The following IMMP2L variants were observed in gnomAD, a reference collection of about 807,000 sequenced individuals.
IMMP2L encodes the protein mitochondrial inner membrane protease subunit 2.
IMMP2L carries 18 observed loss-of-function variants against 19.3 expected under a neutral mutation model. The ratio of observed to expected loss-of-function variants is 0.93; its 90% CI spans 0.64 to 1.38. IMMP2L has a LOEUF of 1.38. Among genes scored for constraint, IMMP2L ranks in the 40% most tolerant of loss-of-function variants. The pLI, the probability that IMMP2L is intolerant of heterozygous loss-of-function variation, is 0.00. For missense variants in IMMP2L, 233 were observed against 218.2 expected, an observed-to-expected ratio of 1.07 and a Z score of -0.43; for synonymous variants, 76 against 73.0, an observed-to-expected ratio of 1.04 and a Z score of -0.21.
chr7:110,869,200 T>C (rs1585084622), intron 5 of IMMP2L, among the ~76,000 whole-genome samples: 1 of 151,814 alleles, frequency 6.6e-6, no homozygotes, highest in East Asian at 1.9e-4. Context: ...ATAAAACACA[T>C]ATTTAATTAA....
At chr7:111,388,761 G>A (rs1330503275) in intron 3 of IMMP2L, among the ~76,000 whole-genome samples, 1 of 152,000 alleles carries the variant, frequency 6.6e-6, no homozygotes, top group Non-Finnish European at 1.5e-5. Context: ...AATAGCACAG[G>A]AAAGACCGGC....
chr7:111,085,817 C>A (rs1308778470), intron 3 of IMMP2L, among the ~76,000 whole-genome samples: 1 of 152,080 alleles, frequency 6.6e-6, no homozygotes, highest in African/African-American at 2.4e-5. Context: ...TAAAAAAGAA[C>A]AAGATCATGT....
intron 4 of IMMP2L, among the ~76,000 whole-genome samples, chr7:110,920,876 T>C (rs1490007829): frequency 6.6e-6 from 1 of 152,188 alleles, no homozygotes; most frequent in Non-Finnish European, 1.5e-5. Flanking sequence ...GTTAACATCT[T>C]ATATAACCAT....
intron 3 of IMMP2L, among the ~76,000 whole-genome samples, chr7:111,040,665 G>C (rs937776634): frequency 6.0e-5 from 9 of 149,306 alleles, no homozygotes; most frequent in Admixed American, 2.7e-4. Flanking sequence ...GACAGAATTA[G>C]AAAGGCAAAG....
At chr7:111,049,979 A>T (rs780219591) in intron 3 of IMMP2L, among the ~76,000 whole-genome samples, 1 of 152,316 alleles carries the variant, frequency 6.6e-6, no homozygotes. Context: ...AAAGAAATCT[A>T]AGAAACAGGC....
At chr7:110,839,216 C>G (rs1231445087) in intron 5 of IMMP2L, among the ~76,000 whole-genome samples, 5 of 152,058 alleles carry the variant, frequency 3.3e-5, no homozygotes, top group African/African-American at 1.2e-4. Flanking sequence ...AAAACTAATT[C>G]CATTCGCTAT....
At chr7:111,557,677 A>T (rs1291916894) in intron 1 of IMMP2L, among the ~76,000 whole-genome samples, 1 of 152,216 alleles carries the variant, frequency 6.6e-6, no homozygotes, top group Non-Finnish European at 1.5e-5. Context: ...CAAATAGCAT[A>T]CAGTATTTGA....
intron 3 of IMMP2L, among the ~76,000 whole-genome samples, chr7:111,203,619 G>T (rs1690116638): frequency 6.8e-6 from 1 of 146,148 alleles, no homozygotes; most frequent in South Asian, 2.2e-4. Context: ...GAAACCCAAG[G>T]AATTAGATTC....
At chr7:111,403,864 T>C (rs1833683625) in intron 3 of IMMP2L, among the ~76,000 whole-genome samples, 1 of 152,150 alleles carries the variant, frequency 6.6e-6, no homozygotes, top group African/African-American at 2.4e-5. Context: ...ATCAGTTAAA[T>C]ATAAAATAAT....
chr7:110,895,890 T>C (rs1160409366), intron 4 of IMMP2L, among the ~76,000 whole-genome samples: 1 of 152,180 alleles, frequency 6.6e-6, no homozygotes, highest in Non-Finnish European at 1.5e-5. Flanking sequence ...CTTGCTAAAC[T>C]CTCTTATTCT....
chr7:110,816,906 T>C (rs1047697955), intron 5 of IMMP2L, among the ~76,000 whole-genome samples: 16 of 152,296 alleles, frequency 1.1e-4, no homozygotes, highest in Non-Finnish European at 1.8e-4. Flanking sequence ...CTGATGGGTC[T>C]TGACTCTTTA....
rs970941337 is a variant in IMMP2L at position 111,562,398 on chromosome 7, C to G, written c.-550G>C. 6.6e-6 allele frequency: 1 copy of G among 150,392 alleles called. No homozygotes were observed. The highest frequency in any genetic ancestry group is 2.4e-5 in the African/African-American group (1 of 41,052). The allele number at this position is 150,392 out of a possible 1,614,324, so 9.3% of individuals were successfully genotyped here. ...CACCAAGGGTCGGCGGCTACGCGCC[C>G]GCCGACCCCTGCCAGCCTCACAGCC... On this transcript the variant is annotated 5_prime_UTR_variant, in exon 1 of 6. Transcript: ENST00000405709.
rs868812815 is a variant in IMMP2L at position 111,016,569 on chromosome 7, A to G, written c.240-53004T>C. On this transcript the variant is annotated intron_variant, in intron 3 of 5. Coordinates refer to ENST00000405709, the MANE Select transcript of IMMP2L (RefSeq NM_032549.4). ...ATATATAGTATATATAATATATAATACATACATATACATATATGTATATAT... is the reference window on the plus strand; with the variant it reads ...ATATATAGTATATATAATATATAATGCATACATATACATATATGTATATAT... 1.5e-4 allele frequency among the ~76,000 whole-genome samples: 18 copies of G among 117,582 alleles called. 1 individual carries two copies. The highest frequency in any genetic ancestry group is 5.9e-4 in the African/African-American group (17 of 28,908). 77.1% of individuals were successfully genotyped at this position (117,582 alleles called of 152,430 possible). A position where few individuals can be genotyped will look rare whatever the true frequency, so the allele number is the denominator to read the frequency against.
chr7:111,015,884 G>C lies in IMMP2L; in HGVS notation c.240-52319C>G, dbSNP rs78971192. Among the ~76,000 whole-genome samples, 1,166 of 152,096 alleles carry C rather than the reference G, an allele frequency of 7.7e-3. 15 individuals carry two copies. Among genetic ancestry groups the C allele is most frequent in the African/African-American group, 0.027 (1,126 of 41,506 alleles). ...TATATAGCCTCTCTCAAACACCAAA[G>C]ACTCTTAAGCAATTCCCCACTTCAA... On this transcript the variant is annotated intron_variant, in intron 3 of 5. Transcript: ENST00000405709.
chr7:111,392,045 C>T (rs1563136563), intron 3 of IMMP2L: 6 of 699,418 alleles, frequency 8.6e-6, no homozygotes, highest in Admixed American at 2.0e-5. Context: ...TTCTTCATTA[C>T]CAGCTTGATT....
intron 3 of IMMP2L, among the ~76,000 whole-genome samples, chr7:111,448,021 A>T (rs1400723563): frequency 1.2e-4 from 17 of 144,240 alleles, no homozygotes; most frequent in African/African-American, 4.1e-4. Context: ...TCCTAAATAT[A>T]TATGCACCCA....
At chr7:111,183,542 T>C (rs1317573538) in intron 3 of IMMP2L, among the ~76,000 whole-genome samples, 1 of 152,052 alleles carries the variant, frequency 6.6e-6, no homozygotes, top group Admixed American at 6.6e-5. Flanking sequence ...GCAAGCTCTG[T>C]CCACAGAGAG....
At chr7:111,013,173 CAT>C (rs1049017927) in intron 3 of IMMP2L, among the ~76,000 whole-genome samples, 12 of 152,170 alleles carry the variant, frequency 7.9e-5, no homozygotes, top group East Asian at 5.8e-4. Flanking sequence ...TTGTGGTAAA[CAT>C]GTGTGAGACT....
At chr7:111,194,208 T>C (rs950232959) in intron 3 of IMMP2L, among the ~76,000 whole-genome samples, 32 of 152,228 alleles carry the variant, frequency 2.1e-4, no homozygotes, top group African/African-American at 7.5e-4. Context: ...TTCAGGGTTC[T>C]AGTTCTTCTG....
Sources: gnomAD v4.1 joint callset for allele counts (sites outside exome capture counted in the v4.1 genomes callset) on GRCh38, gnomAD v4.1.1 for gene constraint, MANE v1.5 for transcripts, NCBI Gene and HGNC (gene_info 2026-07-23, HGNC 2026-07-21) for gene names.